Variants in CCDC102A observed in about 807,000 individuals in gnomAD.
The protein encoded by CCDC102A is coiled-coil domain containing 102A, also known as coiled-coil domain-containing protein 102A.
In CCDC102A, 40 loss-of-function variants were observed where a neutral mutation model predicts 55.5. That is an observed-to-expected ratio of 0.72 (90% CI 0.56 to 0.94). CCDC102A has a LOEUF of 0.94. Among genes scored for constraint, CCDC102A ranks in the 40% least tolerant of loss-of-function variants. The pLI is 0.00. For missense variants in CCDC102A, 779 were observed against 768.6 expected (o/e 1.01, Z -0.16); for synonymous variants, 323 against 339.0 (o/e 0.95, Z 0.52).
chr16:57,527,012 G>A (rs1390119759), intron 2 of CCDC102A, among the ~76,000 whole-genome samples: 1 of 152,216 alleles, frequency 6.6e-6, no homozygotes, highest in Non-Finnish European at 1.5e-5. Flanking sequence ...CCTCTGGCCT[G>A]TGACCGACAA....
At chr16:57,521,913 C>T (rs1236651384) in intron 3 of CCDC102A, among the ~76,000 whole-genome samples, 2 of 152,192 alleles carry the variant, frequency 1.3e-5, no homozygotes, top group African/African-American at 4.8e-5. Context: ...ATGGGGTTCC[C>T]AGAGGGGACA....
At chr16:57,523,116 T>C (rs896029678) in intron 3 of CCDC102A, among the ~76,000 whole-genome samples, 5 of 151,658 alleles carry the variant, frequency 3.3e-5, no homozygotes, top group African/African-American at 1.2e-4. Flanking sequence ...TGTAGTGAGC[T>C]GAGATAGAGC....
intron 3 of CCDC102A, among the ~76,000 whole-genome samples, chr16:57,524,600 G>T (rs62036072): frequency 4.0e-5 from 3 of 74,936 alleles, no homozygotes; most frequent in East Asian, 2.0e-4. Context: ...TATATATAGA[G>T]AGAGAGACAG....
At chr16:57,524,596 T>G (rs676991) in intron 3 of CCDC102A, among the ~76,000 whole-genome samples, 18,546 of 148,696 alleles carry the variant, frequency 0.12, 1,274 homozygotes, top group South Asian at 0.22. Flanking sequence ...TATATATATA[T>G]AGAGAGAGAG....
Position 57,516,412 on chromosome 16 carries a change from C to G in CCDC102A, c.1300G>C (p.Glu434Gln), listed in dbSNP as rs1253280686. ...GCATGTGCCAGCTCTGCCACCTTCTCCTGGAACTGCTTCTTCAGCTTGCCA... is the reference window on the plus strand; with the variant it reads ...GCATGTGCCAGCTCTGCCACCTTCTGCTGGAACTGCTTCTTCAGCTTGCCA... ...VHGKLKKQFQ[E>Q]KVAELAHANR... Residue 434 changes from glutamate (E) to glutamine (Q), a missense_variant, in exon 7 of 9, where the codon GAG becomes CAG. Glu to Gln is a conservative substitution (Grantham distance 29). Transcript: ENST00000258214. The surrounding 1 kb of genome is among the most constrained non-coding windows in gnomAD (Gnocchi z 4.4). 2.5e-6 allele frequency: 4 copies of G among 1,609,600 alleles called. No individual in the cohort carries two copies. Among genetic ancestry groups the G allele is most frequent in the Non-Finnish European group, 3.4e-6 (4 of 1,180,016 alleles).
chr16:57,518,923 C>T (rs1476234010), intron 4 of CCDC102A, among the ~76,000 whole-genome samples, 182 bp from the exon 5 acceptor site: 3 of 152,224 alleles, frequency 2.0e-5, no homozygotes, highest in Non-Finnish European at 4.4e-5. Flanking sequence ...CCCAATGTCT[C>T]TCCTCCTCAT....
At chr16:57,518,890 C>G (rs191997711) in intron 4 of CCDC102A, 149 bp from the exon 5 acceptor site, 2 of 625,712 alleles carry the variant, frequency 3.2e-6, no homozygotes, top group Non-Finnish European at 5.8e-6. Flanking sequence ...AAACAGACCT[C>G]GAATCTGACC....
chr16:57,525,405 T>C (rs73545049), intron 3 of CCDC102A, among the ~76,000 whole-genome samples: 7,930 of 151,940 alleles, frequency 0.052, 645 homozygotes, highest in African/African-American at 0.17. Context: ...CTGGCCCAGC[T>C]CATGGCTTTC....
chr16:57,524,922 T>C (rs1248369780), intron 3 of CCDC102A, among the ~76,000 whole-genome samples: 1 of 152,140 alleles, frequency 6.6e-6, no homozygotes, highest in East Asian at 1.9e-4. Context: ...AAACGGTTTC[T>C]TGTGGTTCCC....
At chr16:57,513,249 G>A (rs938463475) in intron 8 of CCDC102A, among the ~76,000 whole-genome samples, 3 of 152,218 alleles carry the variant, frequency 2.0e-5, no homozygotes, top group Non-Finnish European at 2.9e-5. Context: ...TGGTGTGACA[G>A]TGCAGGGTGG....
At chr16:57,534,068 T>C (rs2032326333) in intron 1 of CCDC102A, among the ~76,000 whole-genome samples, 1 of 152,170 alleles carries the variant, frequency 6.6e-6, no homozygotes, top group Non-Finnish European at 1.5e-5. Flanking sequence ...TGGGTTTGTA[T>C]TCCAAATGCC....
Position 57,518,709 on chromosome 16 carries a change from C to T in CCDC102A, c.954G>A (p.Glu318=). The T allele has an allele frequency of 1.2e-6, 2 of 1,611,138 alleles. 1 individual carries two copies. The change falls in exon 5 of 9, where the codon GAG becomes GAA. Residue 318 remains glutamate, a synonymous_variant. Coordinates refer to ENST00000258214, the MANE Select transcript of CCDC102A (RefSeq NM_033212.4). ...LSILKEAHQD[E]LGRMSEDLED... The stretch of plus-strand genomic sequence containing the variant: ...CCAGGTCCTCAGACATGCGGCCCAG[C>T]TCGTCCTGGTGCGCCTCCTTCAGGA...
Position 57,516,511 on chromosome 16 carries a change from G to A in CCDC102A, c.1249-48C>T, listed in dbSNP as rs746870812. 1 of 1,554,992 alleles carries A rather than the reference G, an allele frequency of 6.4e-7. No individual in the cohort carries two copies. The highest frequency in any genetic ancestry group is 1.7e-5 in the Admixed American group (1 of 58,548). On this transcript the variant is annotated intron_variant, in intron 6 of 8. Coordinates refer to ENST00000258214, the MANE Select transcript of CCDC102A (RefSeq NM_033212.4). The surrounding 1 kb of genome is among the most constrained non-coding windows in gnomAD (Gnocchi z 4.4). ...GGGAGGGAGGAGGGAATCAGTATCAGCTTGGGCGCCATGCCAGGGAGTCCC... is the reference window on the plus strand; with the variant it reads ...GGGAGGGAGGAGGGAATCAGTATCAACTTGGGCGCCATGCCAGGGAGTCCC...
rs571330017 is a variant in CCDC102A at position 57,528,119 on chromosome 16, C to G, written c.585+474G>C. On this transcript the variant is annotated intron_variant, in intron 2 of 8. Coordinates refer to ENST00000258214, the MANE Select transcript of CCDC102A (RefSeq NM_033212.4). Reference sequence around the variant, plus strand: ...CAGGTACGAGCCACGTCGTCCTGCCCTCCTGGCACTTTTCACAGCTAATTC... The same window carrying G: ...CAGGTACGAGCCACGTCGTCCTGCCGTCCTGGCACTTTTCACAGCTAATTC... Among the ~76,000 whole-genome samples, 5 of 152,304 alleles carry G rather than the reference C, an allele frequency of 3.3e-5. No homozygotes were observed. The East Asian group carries it at 9.7e-4, about 29-fold the overall frequency.
intron 2 of CCDC102A, among the ~76,000 whole-genome samples, chr16:57,526,418 G>C (rs2032143343): frequency 6.6e-6 from 1 of 152,200 alleles, no homozygotes; most frequent in South Asian, 2.1e-4. Flanking sequence ...ACCTACGGCG[G>C]GGCACCGATG....
chr16:57,521,030 G>A (rs1430817000), intron 4 of CCDC102A, 38 bp downstream of exon 4: 4 of 1,376,634 alleles, frequency 2.9e-6, no homozygotes, highest in Non-Finnish European at 4.1e-6. Flanking sequence ...GCGCGATCCT[G>A]CCGCCTCCAG....
Position 57,515,458 on chromosome 16 carries a change from C to A in CCDC102A, c.1420-14G>T. 6.4e-7 allele frequency: 1 copy of A among 1,574,034 alleles called. No homozygotes were observed. Among genetic ancestry groups the A allele is most frequent in the Non-Finnish European group, 8.6e-7 (1 of 1,157,328 alleles). On this transcript the variant is annotated splice_polypyrimidine_tract_variant and intron_variant, in intron 7 of 8. Transcript: ENST00000258214. ...GGCCTCGTCCAGCTGTGGGGGTGAG[C>A]AGGGCCGAAAGCACGAGGGTCACCC...
chr16:57,519,533 C>T (rs1411886636), intron 4 of CCDC102A, among the ~76,000 whole-genome samples: 1 of 152,242 alleles, frequency 6.6e-6, no homozygotes, highest in Non-Finnish European at 1.5e-5. Context: ...AAGACAATAA[C>T]ATTTCTTGCG....
chr16:57,516,608 A>G lies in CCDC102A; in HGVS notation c.1249-145T>C, dbSNP rs1468170422. On this transcript the variant is annotated intron_variant, in intron 6 of 8. Coordinates refer to ENST00000258214, the MANE Select transcript of CCDC102A (RefSeq NM_033212.4). The surrounding 1 kb of genome is among the most constrained non-coding windows in gnomAD (Gnocchi z 4.4). ...AATCTCTCCATCTGTTGTCTGAAGT[A>G]TCAGCAGTAGAGGTTTGGCTGAGCA... is the stretch of plus-strand genomic sequence containing the variant. The G allele has an allele frequency of 1.4e-6, 1 of 711,508 alleles. No homozygotes were observed. The highest frequency in any genetic ancestry group is 2.7e-5 in the East Asian group (1 of 36,916). The allele number at this position is 711,508 out of a possible 1,614,324, so 44.1% of individuals were successfully genotyped here.
Sources: allele counts gnomAD v4.1 joint callset (sites outside exome capture counted in the v4.1 genomes callset), GRCh38; gene constraint gnomAD v4.1.1; non-coding constraint Gnocchi (gnomAD v3.1); transcripts MANE v1.5; gene names NCBI Gene and HGNC (gene_info 2026-07-23, HGNC 2026-07-21).